The following SV2B variants were observed in gnomAD, a reference collection of about 807,000 sequenced individuals.
SV2B encodes solute carrier family 22 member B2.
In SV2B, 41 loss-of-function variants were observed where a neutral mutation model predicts 73.9. That is an observed-to-expected ratio of 0.56 (90% CI 0.43 to 0.72). The LOEUF (loss-of-function observed/expected upper bound fraction) is 0.72, where lower values mean the gene tolerates loss of function less well. Among genes scored for constraint, SV2B ranks in the 30% least tolerant of loss-of-function variants. The pLI is 0.00. For synonymous variants in SV2B, 314 were observed against 314.2 expected (o/e 1.00, Z 0.01); for missense variants, 764 against 857.8 (o/e 0.89, Z 1.37).
At position 91,139,365 on chromosome 15, in the gene SV2B, G is replaced by A. The variant is rs1369450839; in HGVS notation, c.-392+39002G>A. Reference sequence around the variant, plus strand: ...AAAATGTTAAAAAAAAAGAAGTAAGGGAAACTTCCAAGGAACCTCTCTCTA... The same window carrying A: ...AAAATGTTAAAAAAAAAGAAGTAAGAGAAACTTCCAAGGAACCTCTCTCTA... On this transcript the variant is annotated intron_variant, in intron 1 of 12. Coordinates refer to ENST00000394232, the MANE Select transcript of SV2B (RefSeq NM_001323032.3). This position sits in a 1 kb window ranked among gnomAD's most constrained non-coding sequence, Gnocchi z 5.2. Among the ~76,000 whole-genome samples the A allele has an allele frequency of 6.6e-6, 1 of 151,454 alleles. No homozygotes were observed. The highest frequency in any genetic ancestry group is 2.4e-5 in the African/African-American group (1 of 41,242).
Position 91,132,492 on chromosome 15 carries a change from T to C in SV2B, c.-392+32129T>C, listed in dbSNP as rs1303223865. ...CAGAGGCTGGAGTGAAGTTACAAAG[T>C]TGCAAACGAAGACGGGACCCTCATT... On this transcript the variant is annotated intron_variant, in intron 1 of 12. Transcript: ENST00000394232. The surrounding 1 kb of genome is among the most constrained non-coding windows in gnomAD (Gnocchi z 4.6). Among the ~76,000 whole-genome samples the C allele has an allele frequency of 6.6e-6, 1 of 152,170 alleles. No individual in the cohort carries two copies. The highest frequency in any genetic ancestry group is 1.5e-5 in the Non-Finnish European group (1 of 68,028).
At chr15:91,184,420 G>C (rs1332652152) in intron 1 of SV2B, among the ~76,000 whole-genome samples, 1 of 152,134 alleles carries the variant, frequency 6.6e-6, no homozygotes, top group Non-Finnish European at 1.5e-5. Context: ...TCATAAATTG[G>C]ATGTCAGATT....
intron 11 of SV2B, among the ~76,000 whole-genome samples, chr15:91,287,616 G>T (rs2048903253): frequency 6.6e-6 from 1 of 152,104 alleles, no homozygotes; most frequent in Non-Finnish European, 1.5e-5. Context: ...CTCATTTTCT[G>T]TTCACTCCCA....
chr15:91,197,261 T>C lies in SV2B; in HGVS notation c.-391-28612T>C, dbSNP rs189189649. Among the ~76,000 whole-genome samples, 346 of 152,206 alleles carry C rather than the reference T, an allele frequency of 2.3e-3. No homozygotes were observed. Among genetic ancestry groups the C allele is most frequent in the African/African-American group, 8.0e-3 (332 of 41,508 alleles). ...GTTTTGTTTTGAGACAGAGTTTCAT[T>C]CTCGTTGCCCAGGCTGGAGTGCAAT... On this transcript the variant is annotated intron_variant, in intron 1 of 12. Coordinates refer to ENST00000394232, the MANE Select transcript of SV2B (RefSeq NM_001323032.3). This position sits in a 1 kb window ranked among gnomAD's most constrained non-coding sequence, Gnocchi z 4.9.
chr15:91,254,920 G>C (rs2047629029), intron 4 of SV2B, among the ~76,000 whole-genome samples: 1 of 152,178 alleles, frequency 6.6e-6, no homozygotes, highest in Non-Finnish European at 1.5e-5. Flanking sequence ...AAGGGTCTTT[G>C]ATTTCCCTCT....
intron 9 of SV2B, among the ~76,000 whole-genome samples, chr15:91,269,071 A>C (rs1283653917): frequency 1.3e-5 from 2 of 152,070 alleles, no homozygotes; most frequent in Non-Finnish European, 2.9e-5. Context: ...AGCGTTGATC[A>C]GTATGGTCCA....
intron 1 of SV2B, among the ~76,000 whole-genome samples, chr15:91,103,523 C>A (rs892034666): frequency 6.6e-6 from 1 of 152,158 alleles, no homozygotes; most frequent in African/African-American, 2.4e-5. Flanking sequence ...TATCATATGG[C>A]AAATTTATTT....
Position 91,294,315 on chromosome 15 carries a change from C to T in SV2B, c.*1763C>T, listed in dbSNP as rs571207980. ...AAATCTTATGACACCTTTCCACCGT[C>T]GATTTGAGATCAGTTTTAATGGTTA... On this transcript the variant is annotated 3_prime_UTR_variant, in exon 13 of 13. Coordinates refer to ENST00000394232, the MANE Select transcript of SV2B (RefSeq NM_001323032.3). The surrounding 1 kb of genome is among the most constrained non-coding windows in gnomAD (Gnocchi z 4.1). The T allele has an allele frequency of 2.6e-5, 4 of 152,252 alleles. 1 individual carries two copies. The highest frequency in any genetic ancestry group is 7.2e-5 in the African/African-American group (3 of 41,546). The allele number at this position is 152,252 out of a possible 1,614,324, so 9.4% of individuals were successfully genotyped here. A position where few individuals can be genotyped will look rare whatever the true frequency, so the allele number is the denominator to read the frequency against.
Position 91,137,590 on chromosome 15 carries a change from C to CAT in SV2B, c.-392+37240_-392+37241dup, listed in dbSNP as rs566920493. On this transcript the variant is annotated intron_variant, in intron 1 of 12. Coordinates refer to ENST00000394232, the MANE Select transcript of SV2B (RefSeq NM_001323032.3). The surrounding 1 kb of genome is among the most constrained non-coding windows in gnomAD (Gnocchi z 4.9). ...GTGAAATATATATATATATATTTCT[C>CAT]ATATATATATATATTTCATATATAT... Among the ~76,000 whole-genome samples, 20 of 76,944 alleles carry CAT rather than the reference C, an allele frequency of 2.6e-4. No individual in the cohort carries two copies. Among genetic ancestry groups the CAT allele is most frequent in the East Asian group, 1.1e-3 (1 of 904 alleles). The allele number at this position is 76,944 out of a possible 152,430, so 50.5% of individuals were successfully genotyped here. A position where few individuals can be genotyped will look rare whatever the true frequency, so the allele number is the denominator to read the frequency against.
rs193116389 is a variant in SV2B at position 91,202,142 on chromosome 15, C to T, written c.-391-23731C>T. 2.1e-4 allele frequency among the ~76,000 whole-genome samples: 32 copies of T among 152,300 alleles called. No homozygotes were observed. The South Asian group carries it at 3.9e-3, about 19-fold the overall frequency. Reference sequence around the variant, plus strand: ...ACTTCCCCACATAAAATAGCCCCATCCCTGCCCCCGTCGCCTCTGGTCTTC... The same window carrying T: ...ACTTCCCCACATAAAATAGCCCCATTCCTGCCCCCGTCGCCTCTGGTCTTC... On this transcript the variant is annotated intron_variant, in intron 1 of 12. Transcript: ENST00000394232.
At chr15:91,278,543 G>A (rs1260312794) in intron 9 of SV2B, among the ~76,000 whole-genome samples, 1 of 149,694 alleles carries the variant, frequency 6.7e-6, no homozygotes, top group Non-Finnish European at 1.5e-5. Context: ...GCCGGGCGCG[G>A]TGGCGGGTGC....
chr15:91,148,651 A>C (rs2043218169), intron 1 of SV2B, among the ~76,000 whole-genome samples: 1 of 152,204 alleles, frequency 6.6e-6, no homozygotes, highest in African/African-American at 2.4e-5. Context: ...TATAAAATAT[A>C]CACATATATT....
intron 1 of SV2B, among the ~76,000 whole-genome samples, chr15:91,119,043 T>C (rs1382116815): frequency 6.6e-6 from 1 of 152,202 alleles, no homozygotes; most frequent in Non-Finnish European, 1.5e-5. Flanking sequence ...CTGTAGCAGA[T>C]GGAATCCTCT....
intron 1 of SV2B, among the ~76,000 whole-genome samples, chr15:91,187,392 A>G (rs1413601679): frequency 6.6e-6 from 1 of 152,240 alleles, no homozygotes; most frequent in Non-Finnish European, 1.5e-5. Flanking sequence ...CAGCAGAACA[A>G]GAGAACATTC....
intron 1 of SV2B, among the ~76,000 whole-genome samples, chr15:91,169,170 C>T (rs538533043): frequency 2.6e-5 from 4 of 152,138 alleles, no homozygotes; most frequent in East Asian, 1.9e-4. Context: ...TCCTCATGAT[C>T]GGTTACTGCG....
chr15:91,111,406 A>G (rs1477064779), intron 1 of SV2B, among the ~76,000 whole-genome samples: 1 of 152,106 alleles, frequency 6.6e-6, no homozygotes, highest in Non-Finnish European at 1.5e-5. Flanking sequence ...GCTCTGCAGT[A>G]GGGGAGCTCA....
At chr15:91,162,684 C>T (rs374048936) in intron 1 of SV2B, among the ~76,000 whole-genome samples, 2 of 152,222 alleles carry the variant, frequency 1.3e-5, no homozygotes, top group Non-Finnish European at 2.9e-5. Flanking sequence ...TCTCATTCTT[C>T]TTGTTGGCAG....
At chr15:91,180,006 G>C (rs2044484659) in intron 1 of SV2B, among the ~76,000 whole-genome samples, 1 of 151,436 alleles carries the variant, frequency 6.6e-6, no homozygotes, top group African/African-American at 2.4e-5. Context: ...TTTACATTTT[G>C]GCATGATTTT....
At chr15:91,178,739 T>G (rs2044427145) in intron 1 of SV2B, among the ~76,000 whole-genome samples, 1 of 150,114 alleles carries the variant, frequency 6.7e-6, no homozygotes, top group Non-Finnish European at 1.5e-5. Flanking sequence ...GGTGGTGATA[T>G]CCCCTTTATC....
Sources: gnomAD v4.1 joint callset for allele counts (sites outside exome capture counted in the v4.1 genomes callset) on GRCh38, gnomAD v4.1.1 for gene constraint, Gnocchi (gnomAD v3.1) non-coding constraint, MANE v1.5 for transcripts, NCBI Gene and HGNC (gene_info 2026-07-23, HGNC 2026-07-21) for gene names.